The following NELL1 variants were observed in gnomAD, a reference collection of about 807,000 sequenced individuals.
The protein encoded by NELL1 is neural EGFL like 1.
Under a neutral mutation model 107.4 loss-of-function variants are expected in NELL1, and 76 were observed. The ratio of observed to expected loss-of-function variants is 0.71; its 90% CI spans 0.59 to 0.86. The LOEUF is 0.86. Among genes scored for constraint, NELL1 ranks in the 40% least tolerant of loss-of-function variants. The pLI, the probability that NELL1 is intolerant of heterozygous loss-of-function variation, is 0.00. For synonymous variants in NELL1, 353 were observed against 341.2 expected (o/e 1.03, Z -0.38); for missense variants, 1,024 against 1,005.5 (o/e 1.02, Z -0.25).
At chr11:21,349,617 A>T (rs572296582) in intron 14 of NELL1, among the ~76,000 whole-genome samples, 1 of 151,480 alleles carries the variant, frequency 6.6e-6, no homozygotes, top group South Asian at 2.1e-4. Context: ...TTTTTTTTTT[A>T]AAGCAGTGAA....
intron 15 of NELL1, among the ~76,000 whole-genome samples, chr11:21,478,572 C>T (rs1034050143): frequency 6.6e-6 from 1 of 151,902 alleles, no homozygotes; most frequent in Non-Finnish European, 1.5e-5. Context: ...AATTATGAAA[C>T]TCCTAAAAGA....
At chr11:20,901,559 G>T (rs1849874300) in intron 5 of NELL1, among the ~76,000 whole-genome samples, 1 of 46,982 alleles carries the variant, frequency 2.1e-5, no homozygotes, top group Admixed American at 3.2e-4. Context: ...GTTCCCAAGA[G>T]GATTTTTTTT....
intron 13 of NELL1, among the ~76,000 whole-genome samples, chr11:21,222,066 T>C (rs1259096275): frequency 6.6e-6 from 1 of 152,166 alleles, no homozygotes; most frequent in Non-Finnish European, 1.5e-5. Flanking sequence ...TGATTTTATT[T>C]ACCTAGGTCT....
intron 13 of NELL1, among the ~76,000 whole-genome samples, chr11:21,130,869 A>T (rs1307899166): frequency 6.6e-6 from 1 of 152,140 alleles, no homozygotes; most frequent in African/African-American, 2.4e-5. Flanking sequence ...AAATGCACAG[A>T]CCTAATGGTG....
At chr11:21,018,185 GA>G (rs1246838613) in intron 12 of NELL1, among the ~76,000 whole-genome samples, 1 of 152,100 alleles carries the variant, frequency 6.6e-6, no homozygotes, top group Non-Finnish European at 1.5e-5. Context: ...GGATGTTTGG[GA>G]AGAGAATCCT....
At chr11:21,346,172 C>T (rs777455673) in intron 14 of NELL1, among the ~76,000 whole-genome samples, 7 of 152,132 alleles carry the variant, frequency 4.6e-5, no homozygotes, top group Non-Finnish European at 1.0e-4. Context: ...TCTCTCTCTT[C>T]CTCTGTCTCT....
chr11:21,376,258 G>C (rs962904124), intron 15 of NELL1, among the ~76,000 whole-genome samples: 13 of 151,838 alleles, frequency 8.6e-5, no homozygotes, highest in African/African-American at 3.1e-4. Context: ...TTTTATTCTT[G>C]TGCATATGGC....
intron 2 of NELL1, among the ~76,000 whole-genome samples, chr11:20,724,146 T>C (rs1184138072): frequency 6.6e-6 from 1 of 152,228 alleles, no homozygotes; most frequent in Non-Finnish European, 1.5e-5. Flanking sequence ...GCCTTGGGCC[T>C]GTGATGGAAG....
At chr11:21,333,271 T>C (rs960081373) in intron 14 of NELL1, among the ~76,000 whole-genome samples, 13 of 144,260 alleles carry the variant, frequency 9.0e-5, no homozygotes, top group African/African-American at 2.9e-4. Flanking sequence ...ATGGCCAGAC[T>C]TGCAGTCAGA....
chr11:20,836,235 A>T (rs1482606424), intron 3 of NELL1, among the ~76,000 whole-genome samples: 1 of 151,682 alleles, frequency 6.6e-6, no homozygotes, highest in Non-Finnish European at 1.5e-5. Context: ...TAAAACAATG[A>T]TATACCATTA....
intron 1 of NELL1, among the ~76,000 whole-genome samples, chr11:20,670,072 G>A (rs1228474717): frequency 6.6e-6 from 1 of 152,176 alleles, no homozygotes; most frequent in Non-Finnish European, 1.5e-5. Flanking sequence ...CCGGCTTTCC[G>A]TCCCAGGGAG....
chr11:21,342,274 T>G (rs957961781), intron 14 of NELL1, among the ~76,000 whole-genome samples: 1 of 152,122 alleles, frequency 6.6e-6, no homozygotes, highest in Non-Finnish European at 1.5e-5. Context: ...CTTTACATAA[T>G]CTCAAGGGAT....
intron 15 of NELL1, among the ~76,000 whole-genome samples, chr11:21,417,494 CTTGT>C (rs1852547753): frequency 6.6e-6 from 1 of 151,694 alleles, no homozygotes; most frequent in African/African-American, 2.4e-5. Context: ...AGAAGGATAG[CTTGT>C]TTGTCTCTCA....
chr11:20,960,053 T>C (rs577206427), intron 11 of NELL1, among the ~76,000 whole-genome samples: 78 of 152,222 alleles, frequency 5.1e-4, no homozygotes, highest in African/African-American at 1.8e-3. Flanking sequence ...TCTGGTTGTA[T>C]TCATTTTATT....
At position 20,919,329 on chromosome 11, in the gene NELL1, G is replaced by A; in HGVS notation, c.754G>A (p.Ala252Thr). Reference protein sequence around the residue: ...DLQELLAKMTAKLNYAETRLS... With the variant: ...DLQELLAKMTTKLNYAETRLS... Reference sequence around the variant, plus strand: ...ACAAGAGCTTTTGGCCAAGATGACTGCAAAAGTAGGTATCTAAATTTCATT... The same window carrying A: ...ACAAGAGCTTTTGGCCAAGATGACTACAAAAGTAGGTATCTAAATTTCATT... The change falls in exon 7 of 20, where the codon GCA becomes ACA. Residue 252 changes from alanine to threonine, a missense_variant. Transcript: ENST00000357134. The A allele has an allele frequency of 6.4e-7, 1 of 1,570,114 alleles. No individual in the cohort carries two copies. The highest frequency in any genetic ancestry group is 8.7e-7 in the Non-Finnish European group (1 of 1,144,940).
intron 17 of NELL1, among the ~76,000 whole-genome samples, chr11:21,568,397 C>T (rs1444813310): frequency 6.6e-6 from 1 of 151,754 alleles, no homozygotes; most frequent in East Asian, 2.0e-4. Flanking sequence ...TATTACTGTG[C>T]ACTTCTGTAC....
At chr11:21,035,483 A>G (rs1417134834) in intron 12 of NELL1, among the ~76,000 whole-genome samples, 1 of 151,840 alleles carries the variant, frequency 6.6e-6, no homozygotes, top group Non-Finnish European at 1.5e-5. Flanking sequence ...AAAAAAAAAA[A>G]AAAAATAAAA....
At chr11:20,792,417 T>G (rs566724857) in intron 3 of NELL1, among the ~76,000 whole-genome samples, 34 of 152,172 alleles carry the variant, frequency 2.2e-4, no homozygotes, top group African/African-American at 7.9e-4. Flanking sequence ...TAATCCTTTT[T>G]TCTTTCCAAC....
chr11:21,160,343 G>A (rs186857430), intron 13 of NELL1, among the ~76,000 whole-genome samples: 18 of 152,240 alleles, frequency 1.2e-4, no homozygotes, highest in African/African-American at 4.1e-4. Context: ...AAATGCCTGG[G>A]TATTGTTTGA....
Sources: gnomAD v4.1 joint callset for allele counts (sites outside exome capture counted in the v4.1 genomes callset) on GRCh38, gnomAD v4.1.1 for gene constraint, MANE v1.5 for transcripts, NCBI Gene and HGNC (gene_info 2026-07-23, HGNC 2026-07-21) for gene names.